The following FBXO31 variants were observed in gnomAD, a reference collection of about 807,000 sequenced individuals.
The protein encoded by FBXO31 is F-box only protein 31.
FBXO31 carries 24 observed loss-of-function variants against 54.4 expected under a neutral mutation model. The observed-to-expected ratio is 0.44, with a 90% CI of 0.32 to 0.62. The LOEUF is 0.62. Ranked by LOEUF, FBXO31 falls within the 20% of genes least tolerant of loss-of-function variation. The pLI is 0.05. For synonymous variants in FBXO31, 388 were observed against 335.6 expected (o/e 1.16, Z -1.71); for missense variants, 665 against 787.1 (o/e 0.84, Z 1.86).
intron 1 of FBXO31, among the ~76,000 whole-genome samples, chr16:87,366,113 G>C (rs1192782865): frequency 6.6e-6 from 1 of 152,156 alleles, no homozygotes; most frequent in Non-Finnish European, 1.5e-5. Context: ...GCCCAGAGGA[G>C]GCACGAGGAC....
intron 1 of FBXO31, among the ~76,000 whole-genome samples, chr16:87,364,791 G>A (rs2150688736): frequency 6.6e-6 from 1 of 151,510 alleles, no homozygotes; most frequent in East Asian, 2.0e-4. Flanking sequence ...GGAGGCCAGG[G>A]CAGGCGGATT....
intron 4 of FBXO31, 82 bp from the exon 5 acceptor site, chr16:87,343,033 C>T (rs1385155764): frequency 2.8e-5 from 34 of 1,206,718 alleles, no homozygotes; most frequent in East Asian, 1.0e-4. Context: ...CAGGTGGCCA[C>T]GACCCCTCCC....
At chr16:87,389,075 G>A (rs1907424268) in intron 1 of FBXO31, among the ~76,000 whole-genome samples, 1 of 151,918 alleles carries the variant, frequency 6.6e-6, no homozygotes, top group Non-Finnish European at 1.5e-5. Flanking sequence ...AAATACTCAA[G>A]CACACTTATG....
At chr16:87,343,498 C>T in intron 4 of FBXO31, 100 bp downstream of exon 4, 2 of 1,418,892 alleles carry the variant, frequency 1.4e-6, no homozygotes, top group South Asian at 1.4e-5. Context: ...CGATCTGCTA[C>T]AGCCCAGGTC....
Position 87,358,106 on chromosome 16 carries a change from C to T in FBXO31, c.412+2189G>A, listed in dbSNP as rs1905976590. ...CTCTGTTCGTTCCTCTCTGTGTCTGCAGTAGCTCCTCAATAAACGATACAT... is the reference window on the plus strand; with the variant it reads ...CTCTGTTCGTTCCTCTCTGTGTCTGTAGTAGCTCCTCAATAAACGATACAT... On this transcript the variant is annotated intron_variant, in intron 2 of 8. Transcript: ENST00000311635. The surrounding 1 kb of genome is among the most constrained non-coding windows in gnomAD (Gnocchi z 4.0). Among the ~76,000 whole-genome samples, 1 of 152,190 alleles carries T rather than the reference C, an allele frequency of 6.6e-6. No homozygotes were observed. Among genetic ancestry groups the T allele is most frequent in the Non-Finnish European group, 1.5e-5 (1 of 68,038 alleles).
chr16:87,379,119 CTTTTG>C (rs922997396), intron 1 of FBXO31, among the ~76,000 whole-genome samples: 7 of 151,990 alleles, frequency 4.6e-5, no homozygotes, highest in Non-Finnish European at 7.4e-5. Context: ...ATCACATACC[CTTTTG>C]TTTTGTTTTG....
At position 87,351,173 on chromosome 16, in the gene FBXO31, T is replaced by C. The variant is rs1233019381; in HGVS notation, c.413-3923A>G. Among the ~76,000 whole-genome samples the C allele has an allele frequency of 5.9e-5, 9 of 151,774 alleles. No individual in the cohort carries two copies. In the East Asian group the frequency reaches 1.7e-3, roughly 29 times the overall value. On this transcript the variant is annotated intron_variant, in intron 2 of 8. Transcript: ENST00000311635. Reference sequence around the variant, plus strand: ...CTGAGAACACGCACTTTAAAAAGAGTCCTTACGAAGCATGGCTATCGCACA... The same window carrying C: ...CTGAGAACACGCACTTTAAAAAGAGCCCTTACGAAGCATGGCTATCGCACA...
At chr16:87,376,997 C>G (rs909434969) in intron 1 of FBXO31, among the ~76,000 whole-genome samples, 4 of 152,252 alleles carry the variant, frequency 2.6e-5, no homozygotes, top group African/African-American at 9.6e-5. Context: ...CACAGGCTTG[C>G]CCACGGTCTG....
Position 87,334,035 on chromosome 16 carries a change from T to C in FBXO31, c.1248A>G (p.Pro416=), listed in dbSNP as rs1051745274. 6.2e-7 allele frequency: 1 copy of C among 1,612,546 alleles called. No individual in the cohort carries two copies. Among genetic ancestry groups the C allele is most frequent in the African/African-American group, 1.3e-5 (1 of 74,918 alleles). The change falls in exon 8 of 9, where the codon CCA becomes CCG. Residue 416 remains proline (P), a synonymous_variant. Transcript: ENST00000311635. ...CACCATCCTCACCAGGTGTCCCATC[T>C]GGGCCCTTGCTGGGCGCCTCTGCCC... ...QPRAEAPSKG[P]DGTPGEDGGE...
intron 8 of FBXO31, among the ~76,000 whole-genome samples, chr16:87,331,738 T>A (rs1163541443): frequency 6.6e-6 from 1 of 152,204 alleles, no homozygotes; most frequent in Non-Finnish European, 1.5e-5. Flanking sequence ...CACCTGATGA[T>A]GGACGCAGAG....
chr16:87,359,213 A>C (rs1255134738), intron 2 of FBXO31, among the ~76,000 whole-genome samples: 1 of 152,232 alleles, frequency 6.6e-6, no homozygotes, highest in Non-Finnish European at 1.5e-5. Context: ...CAAGGGGTCA[A>C]GAATCAGCAG....
chr16:87,390,083 C>T (rs1253932932), upstream of FBXO31, among the ~76,000 whole-genome samples: 1 of 152,082 alleles, frequency 6.6e-6, no homozygotes, highest in East Asian at 1.9e-4. Flanking sequence ...GAGTTCAAGA[C>T]CAGCCTGGCC....
chr16:87,383,304 GC>G lies in FBXO31; in HGVS notation c.340+100del. The G allele has an allele frequency of 8.8e-7, 1 of 1,132,440 alleles. No individual in the cohort carries two copies. Among genetic ancestry groups the G allele is most frequent in the Non-Finnish European group, 1.2e-6 (1 of 843,838 alleles). The allele number at this position is 1,132,440 out of a possible 1,614,324, so 70.1% of individuals were successfully genotyped here. ...CGCCGGGCCCCGCGCCCAACTGGTGGCCCCCGGCCGGGGCCACCGCCCCCGC... is the reference window on the plus strand; with the variant it reads ...CGCCGGGCCCCGCGCCCAACTGGTGGCCCCGGCCGGGGCCACCGCCCCCGC... On this transcript the variant is annotated intron_variant, in intron 1 of 8. Coordinates refer to ENST00000311635, the MANE Select transcript of FBXO31 (RefSeq NM_024735.5). The surrounding 1 kb of genome is among the most constrained non-coding windows in gnomAD (Gnocchi z 4.9).
Position 87,327,114 on chromosome 16 carries a change from C to T in FBXO31, c.*4174G>A, listed in dbSNP as rs908750672. ...CCCAGGCAGGGCACAGCTCCTGCTG[C>T]AAGGTCACCTTACCAGGGGGTGCAG... is the stretch of plus-strand genomic sequence containing the variant. On this transcript the variant is annotated 3_prime_UTR_variant, in exon 9 of 9. Coordinates refer to ENST00000311635, the MANE Select transcript of FBXO31 (RefSeq NM_024735.5). 6.6e-5 allele frequency: 10 copies of T among 152,408 alleles called. No individual in the cohort carries two copies. Among genetic ancestry groups the T allele is most frequent in the Admixed American group, 6.5e-4 (10 of 15,294 alleles). 9.4% of individuals were successfully genotyped at this position (152,408 alleles called of 1,614,324 possible). A position where few individuals can be genotyped will look rare whatever the true frequency, so the allele number is the denominator to read the frequency against.
At chr16:87,359,319 C>G (rs959332287) in intron 2 of FBXO31, among the ~76,000 whole-genome samples, 5 of 152,186 alleles carry the variant, frequency 3.3e-5, no homozygotes, top group Non-Finnish European at 7.3e-5. Flanking sequence ...CCTGCCTATG[C>G]CCGGATGGCC....
At chr16:87,339,932 G>A (rs1905139695) in intron 5 of FBXO31, among the ~76,000 whole-genome samples, 1 of 152,186 alleles carries the variant, frequency 6.6e-6, no homozygotes, top group Non-Finnish European at 1.5e-5. Flanking sequence ...CCCAGCCTGG[G>A]CAACACAGTG....
At chr16:87,350,315 A>T (rs1005161901) in intron 2 of FBXO31, among the ~76,000 whole-genome samples, 1 of 152,184 alleles carries the variant, frequency 6.6e-6, no homozygotes, top group Non-Finnish European at 1.5e-5. Context: ...AGACTCCACC[A>T]ACAGCTCCCA....
rs1325030260 is a variant in FBXO31, at chr16:87,383,552, A to C, written c.193T>G (p.Cys65Gly). ...TCGGGCGGCAGCTCCAGCAGCGAGCAGCGCGGGGGCGGCGGCGAGGGGCCC... is the reference window on the plus strand; with the variant it reads ...TCGGGCGGCAGCTCCAGCAGCGAGCCGCGCGGGGGCGGCGGCGAGGGGCCC... Reference protein sequence around the residue: ...CAGPSPPPPRCSLLELPPELL... With the variant: ...CAGPSPPPPRGSLLELPPELL... The change falls in exon 1 of 9, where the codon TGC (cysteine) becomes GGC (glycine). Residue 65 changes from cysteine (C) to glycine (G), a missense_variant. Transcript: ENST00000311635. This position sits in a 1 kb window ranked among gnomAD's most constrained non-coding sequence, Gnocchi z 4.9. The C allele has an allele frequency of 2.6e-6, 4 of 1,549,216 alleles. No homozygotes were observed. Among genetic ancestry groups the C allele is most frequent in the East Asian group, 5.1e-5 (2 of 39,180 alleles).
intron 2 of FBXO31, among the ~76,000 whole-genome samples, chr16:87,347,967 C>A (rs922314342): frequency 4.6e-5 from 7 of 152,220 alleles, no homozygotes; most frequent in Non-Finnish European, 1.0e-4. Context: ...CAGGACACAA[C>A]TTCTCCATCC....
Sources: gnomAD v4.1 joint callset for allele counts (sites outside exome capture counted in the v4.1 genomes callset) on GRCh38, gnomAD v4.1.1 for gene constraint, Gnocchi (gnomAD v3.1) non-coding constraint, MANE v1.5 for transcripts, NCBI Gene and HGNC (gene_info 2026-07-23, HGNC 2026-07-21) for gene names.